The following ARMH3 variants were observed in gnomAD, a reference collection of about 807,000 sequenced individuals.
ARMH3 encodes armadillo like helical domain containing 3, also known as armadillo-like helical domain-containing protein 3.
In ARMH3, 60 loss-of-function variants were observed where a neutral mutation model predicts 99.1. The observed-to-expected ratio is 0.61, with a 90% CI of 0.49 to 0.75. ARMH3 has a LOEUF of 0.75. Ranked by LOEUF, ARMH3 falls within the 30% of genes least tolerant of loss-of-function variation. The pLI, the probability that ARMH3 is intolerant of heterozygous loss-of-function variation, is 0.00. For missense variants in ARMH3, 679 were observed against 843.1 expected (o/e 0.81, Z 2.41); for synonymous variants, 285 against 292.8 (o/e 0.97, Z 0.27).
intron 23 of ARMH3, among the ~76,000 whole-genome samples, chr10:101,894,883 A>G (rs2067784111): frequency 6.6e-6 from 1 of 151,746 alleles, no homozygotes; most frequent in South Asian, 2.1e-4. Flanking sequence ...AAAAAAAAAA[A>G]AAAAAGGCAC....
intron 2 of ARMH3, among the ~76,000 whole-genome samples, chr10:102,036,859 T>C (rs1437860790): frequency 1.5e-5 from 2 of 132,904 alleles, no homozygotes; most frequent in African/African-American, 5.6e-5. Context: ...CACCCAAGAA[T>C]GATCAATAAA....
intron 2 of ARMH3, among the ~76,000 whole-genome samples, chr10:102,035,352 G>A (rs899622338): frequency 1.4e-4 from 21 of 152,246 alleles, no homozygotes; most frequent in African/African-American, 3.1e-4. Flanking sequence ...GCAACAGAGC[G>A]AGACTCAGTC....
chr10:101,935,174 A>ATATATATATATATATATATCTAT (rs1843902399), intron 23 of ARMH3, among the ~76,000 whole-genome samples: 1 of 117,106 alleles, frequency 8.5e-6, no homozygotes, highest in African/African-American at 3.2e-5. Context: ...AAGGTGGAGC[A>ATATATATATATATATATATCTAT]ATATATATAT....
chr10:102,039,011 G>A (rs529793725), intron 2 of ARMH3, among the ~76,000 whole-genome samples: 31 of 152,236 alleles, frequency 2.0e-4, no homozygotes, highest in African/African-American at 7.0e-4. Context: ...AAAGTGCTAG[G>A]ATTACAGGCA....
At chr10:102,009,563 CA>C in intron 12 of ARMH3, 114 bp from the exon 13 acceptor site, 1 of 948,874 alleles carries the variant, frequency 1.1e-6, no homozygotes, top group Non-Finnish European at 1.6e-6. Context: ...AATTCCTTTG[CA>C]TTTCTAAAGT....
intron 24 of ARMH3, among the ~76,000 whole-genome samples, chr10:101,865,138 C>T (rs1299271445): frequency 6.6e-6 from 1 of 151,220 alleles, no homozygotes; most frequent in Non-Finnish European, 1.5e-5. Flanking sequence ...ATGGCATGAA[C>T]CCGGGAGGCA....
chr10:102,006,600 CAG>C lies in ARMH3; in HGVS notation c.986_987del (p.Pro329ArgfsTer20). The C allele has an allele frequency of 1.2e-6, 2 of 1,614,050 alleles. No homozygotes were observed. Among genetic ancestry groups the C allele is most frequent in the Non-Finnish European group, 1.7e-6 (2 of 1,179,940 alleles). Reference sequence around the variant, plus strand: ...ACTGGGGTTGTAGGAGCAGGACTGACAGGGGTCGTCACCAAGCCCATTTCTGG... The same window carrying C: ...ACTGGGGTTGTAGGAGCAGGACTGACGGGTCGTCACCAAGCCCATTTCTGG... ...SHPEMGLVTT[P>X]VSPAPTTPVT... On this transcript the variant is annotated frameshift_variant, in exon 14 of 26. Transcript: ENST00000370033. LOFTEE classifies it high-confidence loss of function.
intron 23 of ARMH3, among the ~76,000 whole-genome samples, chr10:101,921,812 CCA>C (rs1468376579): frequency 6.6e-6 from 1 of 152,082 alleles, no homozygotes; most frequent in African/African-American, 2.4e-5. Context: ...TAGAATGACA[CCA>C]GAGGCTGGCT....
intron 19 of ARMH3, among the ~76,000 whole-genome samples, chr10:101,983,798 T>C (rs943495548): frequency 7.2e-5 from 11 of 152,218 alleles, no homozygotes; most frequent in African/African-American, 2.2e-4. Flanking sequence ...TTCTTTAAAA[T>C]ATCCTTTGTA....
At chr10:101,997,551 C>T (rs1255656437) in intron 15 of ARMH3, among the ~76,000 whole-genome samples, 1 of 149,852 alleles carries the variant, frequency 6.7e-6, no homozygotes, top group Non-Finnish European at 1.5e-5. Context: ...GAGATCGTGC[C>T]ACTGCATTCC....
chr10:102,047,937 A>G (rs1037693101), intron 1 of ARMH3, among the ~76,000 whole-genome samples: 2 of 152,220 alleles, frequency 1.3e-5, no homozygotes, highest in African/African-American at 2.4e-5. Flanking sequence ...GGTAGAGGCC[A>G]GGGATGCTGT....
intron 1 of ARMH3, among the ~76,000 whole-genome samples, chr10:102,043,068 A>G (rs922945635): frequency 2.6e-5 from 4 of 152,194 alleles, no homozygotes; most frequent in Non-Finnish European, 5.9e-5. Flanking sequence ...GTGAAACTCC[A>G]TCTCTAAGAA....
chr10:101,875,301 G>A (rs753668144), intron 24 of ARMH3, among the ~76,000 whole-genome samples: 14 of 151,426 alleles, frequency 9.2e-5, no homozygotes, highest in Non-Finnish European at 1.8e-4. Flanking sequence ...AGACCTCATC[G>A]AGTGAGCATC....
chr10:101,981,852 A>G (rs1846245780), intron 19 of ARMH3, among the ~76,000 whole-genome samples: 1 of 151,242 alleles, frequency 6.6e-6, no homozygotes, highest in Non-Finnish European at 1.5e-5. Context: ...CCCCGTCTCT[A>G]TCTAAAAATA....
At chr10:101,958,371 A>T (rs1180046274) in intron 20 of ARMH3, among the ~76,000 whole-genome samples, 2 of 152,208 alleles carry the variant, frequency 1.3e-5, no homozygotes, top group Non-Finnish European at 2.9e-5. Flanking sequence ...TAGCGAGGGG[A>T]GAGATTCCTA....
intron 20 of ARMH3, among the ~76,000 whole-genome samples, chr10:101,961,768 T>C (rs1485922796): frequency 1.3e-5 from 2 of 152,058 alleles, no homozygotes; most frequent in Non-Finnish European, 2.9e-5. Context: ...GCCAAATTGT[T>C]CCAAGGACAC....
intron 23 of ARMH3, among the ~76,000 whole-genome samples, chr10:101,893,295 A>T (rs566270833): frequency 8.3e-4 from 127 of 152,262 alleles, no homozygotes; most frequent in Non-Finnish European, 1.6e-3. Flanking sequence ...TTCGAAAAAG[A>T]TTTTGCACTC....
intron 23 of ARMH3, among the ~76,000 whole-genome samples, chr10:101,925,688 C>A (rs926147324): frequency 6.6e-6 from 1 of 152,086 alleles, no homozygotes; most frequent in East Asian, 1.9e-4. Context: ...GCGGGCAGAT[C>A]ACCTGAGGAC....
chr10:101,962,905 A>T (rs1411131211), intron 20 of ARMH3, among the ~76,000 whole-genome samples: 2 of 152,088 alleles, frequency 1.3e-5, no homozygotes, highest in East Asian at 3.9e-4. Context: ...TCCACTGATT[A>T]GCCCCTCACA....
Sources: gnomAD v4.1 joint callset for allele counts (sites outside exome capture counted in the v4.1 genomes callset) on GRCh38, gnomAD v4.1.1 for gene constraint, MANE v1.5 for transcripts, NCBI Gene and HGNC (gene_info 2026-07-23, HGNC 2026-07-21) for gene names.